The following SCP2 variants were observed in gnomAD, a reference collection of about 807,000 sequenced individuals.
SCP2 encodes SCP-2/3-oxoacyl-CoA thiolase.
A neutral mutation model predicts 71.4 loss-of-function variants in SCP2; 48 were observed. The observed-to-expected ratio is 0.67, with a 90% CI of 0.53 to 0.86. The LOEUF (loss-of-function observed/expected upper bound fraction) is 0.86. Ranked by LOEUF, SCP2 falls within the 40% of genes least tolerant of loss-of-function variation. The pLI, the probability that SCP2 is intolerant of heterozygous loss-of-function variation, is 0.00. For synonymous variants in SCP2, 220 were observed against 218.1 expected (o/e 1.01, Z -0.08); for missense variants, 560 against 655.6 (o/e 0.85, Z 1.59).
chr1:52,995,288 C>T lies in SCP2; in HGVS notation c.1081+7152C>T, dbSNP rs779853158. On this transcript the variant is annotated intron_variant, in intron 11 of 15. Coordinates refer to ENST00000371514, the MANE Select transcript of SCP2 (RefSeq NM_002979.5). ...AACATCACCCTCTCCATCCATCAGTCGGTAGAGAACACTGATGAGACCTAC... is the reference window on the plus strand; with the variant it reads ...AACATCACCCTCTCCATCCATCAGTTGGTAGAGAACACTGATGAGACCTAC... 270 of 482,402 alleles carry T rather than the reference C, an allele frequency of 5.6e-4. 4 individuals carry two copies. Among genetic ancestry groups the T allele is most frequent in the East Asian group, 1.1e-3 (21 of 19,586 alleles). The allele number at this position is 482,402 out of a possible 1,614,324, so 29.9% of individuals were successfully genotyped here.
chr1:53,043,111 A>G (rs779916811), intron 14 of SCP2, among the ~76,000 whole-genome samples: 2 of 152,214 alleles, frequency 1.3e-5, no homozygotes, highest in Non-Finnish European at 2.9e-5. Flanking sequence ...CCCCAAGGTA[A>G]ACTAGAAAGA....
intron 11 of SCP2, chr1:52,994,729 A>G: frequency 1.4e-6 from 1 of 713,876 alleles, no homozygotes; most frequent in Non-Finnish European, 2.3e-6. Context: ...TTTAACCATG[A>G]GGGAAATCGT....
At chr1:52,995,725 C>T in intron 11 of SCP2, 1 of 766,478 alleles carries the variant, frequency 1.3e-6, no homozygotes. Context: ...TGGAGTGGAT[C>T]CCCAACAACA....
chr1:52,953,039 G>GA (rs1164253985), intron 4 of SCP2, among the ~76,000 whole-genome samples: 3 of 141,608 alleles, frequency 2.1e-5, no homozygotes, highest in Non-Finnish European at 4.6e-5. Flanking sequence ...TTTTTTTTAA[G>GA]AAAAAATGTG....
chr1:52,934,592 C>CTTTTT lies in SCP2; in HGVS notation c.69+7161_69+7165dup, dbSNP rs771433635. On this transcript the variant is annotated intron_variant, in intron 1 of 15. Coordinates refer to ENST00000371514, the MANE Select transcript of SCP2 (RefSeq NM_002979.5). The stretch of plus-strand genomic sequence containing the variant: ...GTTTCAAATTCTACATTCCAGCTAA[C>CTTTTT]TTTTTTTTTTTTTTTTTTTTTTTTT... Among the ~76,000 whole-genome samples, 83 of 29,056 alleles carry CTTTTT rather than the reference C, an allele frequency of 2.9e-3. 33 individuals carry two copies. The highest frequency in any genetic ancestry group is 3.2e-3 in the Admixed American group (5 of 1,548). The allele number at this position is 29,056 out of a possible 152,430, so 19.1% of individuals were successfully genotyped here.
Position 52,980,384 on chromosome 1 carries a change from T to TTTTGG in SCP2, c.826-8_826-4dup. 1.9e-6 allele frequency: 3 copies of TTTTGG among 1,613,032 alleles called. No homozygotes were observed. Among genetic ancestry groups the TTTTGG allele is most frequent in the Non-Finnish European group, 2.5e-6 (3 of 1,179,524 alleles). On this transcript the variant is annotated splice_polypyrimidine_tract_variant and intron_variant, in intron 9 of 15. Transcript: ENST00000371514. ...TTTGGTGCCCTTTATTTATATATGG[T>TTTTGG]TTTGGTTTTAGGTTGGCTTTGATAT...
Position 52,954,804 on chromosome 1 carries a change from A to G in SCP2, c.396A>G (p.Lys132=). 1.2e-6 allele frequency: 2 copies of G among 1,612,414 alleles called. No homozygotes were observed. Among genetic ancestry groups the G allele is most frequent in the Non-Finnish European group, 1.7e-6 (2 of 1,178,448 alleles). The change falls in exon 5 of 16, where the codon AAA becomes AAG. Residue 132 remains lysine (K), a splice_region_variant and synonymous_variant. Coordinates refer to ENST00000371514, the MANE Select transcript of SCP2 (RefSeq NM_002979.5). ...EKMSKGSLGI[K]FSDRTIPTDK... is the part of the protein sequence containing the mutation. ...TGAGTAAGGGAAGCCTTGGAATAAA[A>G]GTGAGTGTTATTTTGGCATAGTTAC...
At chr1:52,993,492 A>G (rs1659686435) in intron 11 of SCP2, 1 of 1,613,202 alleles carries the variant, frequency 6.2e-7, no homozygotes, top group African/African-American at 1.3e-5. Flanking sequence ...TGTCTTTGAA[A>G]CTTATAGATT....
chr1:52,936,734 T>G (rs1399651968), intron 1 of SCP2, among the ~76,000 whole-genome samples: 2 of 152,162 alleles, frequency 1.3e-5, no homozygotes, highest in Admixed American at 6.5e-5. Flanking sequence ...GATGCGTATT[T>G]GGGTGATAAA....
At chr1:52,992,553 A>C (rs572418539) in intron 11 of SCP2, among the ~76,000 whole-genome samples, 2 of 152,348 alleles carry the variant, frequency 1.3e-5, no homozygotes, top group South Asian at 4.1e-4. Context: ...AAATGAGTCC[A>C]AATATTTGAC....
chr1:52,981,223 C>T (rs188498943), intron 10 of SCP2, among the ~76,000 whole-genome samples: 38 of 152,308 alleles, frequency 2.5e-4, no homozygotes, highest in South Asian at 4.1e-4. Flanking sequence ...TGAGCCACTG[C>T]GCCCAGCCGT....
chr1:52,929,994 C>A (rs1386654912), intron 1 of SCP2, among the ~76,000 whole-genome samples: 5 of 152,192 alleles, frequency 3.3e-5, no homozygotes, highest in African/African-American at 1.2e-4. Context: ...CTTATGCTGC[C>A]TATCTCCTGA....
chr1:53,043,305 A>G (rs909937967), intron 14 of SCP2, among the ~76,000 whole-genome samples: 2 of 152,244 alleles, frequency 1.3e-5, no homozygotes, highest in Non-Finnish European at 2.9e-5. Context: ...GTAAGTGCTC[A>G]GTAAATCATT....
At position 53,045,363 on chromosome 1, in the gene SCP2, A is replaced by G. The variant is rs575765687; in HGVS notation, c.1469-2495A>G. Among the ~76,000 whole-genome samples the G allele has an allele frequency of 2.6e-5, 4 of 152,302 alleles. No homozygotes were observed. The South Asian group carries it at 6.2e-4, about 24-fold the overall frequency. On this transcript the variant is annotated intron_variant, in intron 14 of 15. Transcript: ENST00000371514. ...GTCTGGCTTTTTTTTGTTCAACAGCATAAGATTCATTCATATGGTTGCGTG... is the reference window on the plus strand; with the variant it reads ...GTCTGGCTTTTTTTTGTTCAACAGCGTAAGATTCATTCATATGGTTGCGTG...
intron 1 of SCP2, among the ~76,000 whole-genome samples, chr1:52,931,466 C>G (rs918493750): frequency 1.3e-5 from 2 of 152,040 alleles, no homozygotes; most frequent in Non-Finnish European, 2.9e-5. Context: ...TGAAGAGGCT[C>G]TAGAATCATC....
At chr1:52,972,273 A>G (rs1003157842) in intron 6 of SCP2, among the ~76,000 whole-genome samples, 2 of 152,250 alleles carry the variant, frequency 1.3e-5, no homozygotes, top group African/African-American at 2.4e-5. Context: ...ACATAAAGGC[A>G]TAGCCTTTGA....
chr1:52,950,649 TTA>T, intron 3 of SCP2, 104 bp from the exon 4 acceptor site: 1 of 864,542 alleles, frequency 1.2e-6, no homozygotes. Flanking sequence ...CTTGCACATG[TTA>T]TATGCTAGGC....
At chr1:53,006,565 A>G (rs1326481219) in intron 11 of SCP2, among the ~76,000 whole-genome samples, 2 of 152,192 alleles carry the variant, frequency 1.3e-5, no homozygotes, top group African/African-American at 4.8e-5. Context: ...AATCCTTTAC[A>G]CACAGGCAAA....
chr1:52,974,950 T>G (rs1311252582), intron 7 of SCP2, 118 bp downstream of exon 7: 1 of 693,416 alleles, frequency 1.4e-6, no homozygotes, highest in African/African-American at 1.8e-5. Flanking sequence ...GAATGTTTTA[T>G]TTTTTTCTTA....
Sources: allele counts gnomAD v4.1 joint callset (sites outside exome capture counted in the v4.1 genomes callset), GRCh38; gene constraint gnomAD v4.1.1; transcripts MANE v1.5; gene names NCBI Gene and HGNC (gene_info 2026-07-23, HGNC 2026-07-21).